ZNF577: variants seen among roughly 807,000 people sequenced by gnomAD.
ZNF577 encodes the protein zinc finger protein 577.
ZNF577 carries 14 observed loss-of-function variants against 13.9 expected under a neutral mutation model. That is an observed-to-expected ratio of 1.00 (90% CI 0.66 to 1.57). The LOEUF is 1.57. Among genes scored for constraint, ZNF577 ranks in the 40% most tolerant of loss-of-function variants. The pLI is 0.00. For missense variants in ZNF577, 555 were observed against 579.2 expected (o/e 0.96, Z 0.43); for synonymous variants, 203 against 202.9 (o/e 1.00, Z 0.00).
intron 3 of ZNF577, among the ~76,000 whole-genome samples, chr19:51,879,626 T>C (rs2084829273): frequency 6.6e-6 from 1 of 152,184 alleles, no homozygotes; most frequent in Non-Finnish European, 1.5e-5. Context: ...TATACACAAG[T>C]ATGTATACAT....
chr19:51,877,753 C>T (rs537676010), intron 4 of ZNF577: 93 of 177,166 alleles, frequency 5.2e-4, no homozygotes, highest in African/African-American at 2.1e-3. Flanking sequence ...AATTCCACTT[C>T]TGGGTATATA....
In ZNF577 at chr19:51,868,910, T is replaced by C. The variant is rs6509582; in HGVS notation, c.*3622A>G. ...TTACTAGATTTAGGGCTGTGCAGGA[T>C]GTGCTTTGTTAAAATGTGTTTGCAG... On this transcript the variant is annotated 3_prime_UTR_variant, in exon 6 of 6. Transcript: ENST00000638348. 0.33 allele frequency among the ~76,000 whole-genome samples: 50,815 copies of C among 152,112 alleles called. 10,004 individuals carry two copies. Among genetic ancestry groups the C allele is most frequent in the African/African-American group, 0.54 (22,529 of 41,472 alleles).
downstream of ZNF577, among the ~76,000 whole-genome samples, chr19:51,864,115 G>A (rs1217635363): frequency 6.6e-6 from 1 of 152,120 alleles, no homozygotes; most frequent in Non-Finnish European, 1.5e-5. Flanking sequence ...AATTAACACT[G>A]ACCATGTCTT....
At chr19:51,829,034 G>A (rs990492868) in intron 9 of ZNF577, among the ~76,000 whole-genome samples, 3 of 152,148 alleles carry the variant, frequency 2.0e-5, no homozygotes, top group Admixed American at 6.5e-5. Context: ...GTTACATGGG[G>A]TCTTGGTAGT....
chr19:51,810,033 C>A (rs2084085985), intron 10 of ZNF577, among the ~76,000 whole-genome samples: 1 of 152,152 alleles, frequency 6.6e-6, no homozygotes, highest in South Asian at 2.1e-4. Context: ...ATTTTTTCCA[C>A]TGGGTGGGGC....
At chr19:51,827,695 C>T (rs1442691680) in intron 9 of ZNF577, among the ~76,000 whole-genome samples, 2 of 152,144 alleles carry the variant, frequency 1.3e-5, no homozygotes, top group Non-Finnish European at 2.9e-5. Context: ...TGAGTTTCTG[C>T]TTAAGTAAAC....
rs1352147575 is a variant in ZNF577 at position 51,871,895 on chromosome 19, A to C, written c.*637T>G. 6.6e-6 allele frequency: 1 copy of C among 152,232 alleles called. No homozygotes were observed. Among genetic ancestry groups the C allele is most frequent in the Admixed American group, 6.5e-5 (1 of 15,274 alleles). The allele number at this position is 152,232 out of a possible 1,614,324, so 9.4% of individuals were successfully genotyped here. A position where few individuals can be genotyped will look rare whatever the true frequency, so the allele number is the denominator to read the frequency against. On this transcript the variant is annotated 3_prime_UTR_variant, in exon 6 of 6. Transcript: ENST00000638348. ...AGCTTGATGTAGCCCCGTGAGATGC[A>C]TTTGGACTTCAGTCCTCCAGAACTG...
intron 9 of ZNF577, among the ~76,000 whole-genome samples, chr19:51,828,773 T>C (rs1467278946): frequency 6.6e-6 from 1 of 152,134 alleles, no homozygotes; most frequent in Non-Finnish European, 1.5e-5. Flanking sequence ...CTTGCTGGTT[T>C]TAGATTTTTT....
chr19:51,808,388 C>T (rs2084074466), intron 10 of ZNF577, among the ~76,000 whole-genome samples: 1 of 152,228 alleles, frequency 6.6e-6, no homozygotes, highest in East Asian at 1.9e-4. Flanking sequence ...TAGTCAAAGC[C>T]TGCTTTGTTT....
chr19:51,885,865 C>G (rs758480379), intron 1 of ZNF577, among the ~76,000 whole-genome samples: 20 of 152,162 alleles, frequency 1.3e-4, no homozygotes, highest in Non-Finnish European at 2.1e-4. Flanking sequence ...ATCAACAATA[C>G]TCATAACTCC....
Position 51,871,138 on chromosome 19 carries a change from C to T in ZNF577, c.*1394G>A, listed in dbSNP as rs2084653459. 6.6e-6 allele frequency: 1 copy of T among 152,118 alleles called. No individual in the cohort carries two copies. Among genetic ancestry groups the T allele is most frequent in the Non-Finnish European group, 1.5e-5 (1 of 68,038 alleles). 9.4% of individuals were successfully genotyped at this position (152,118 alleles called of 1,614,324 possible). A position where few individuals can be genotyped will look rare whatever the true frequency, so the allele number is the denominator to read the frequency against. On this transcript the variant is annotated 3_prime_UTR_variant, in exon 6 of 6. Transcript: ENST00000638348. Reference sequence around the variant, plus strand: ...CCTTTTTTAGAGTCAGAGTCTTATTCTGTCACCCACGCTGTAGTGCAGTGG... The same window carrying T: ...CCTTTTTTAGAGTCAGAGTCTTATTTTGTCACCCACGCTGTAGTGCAGTGG...
chr19:51,848,199 C>A (rs976062447), intron 5 of ZNF577, among the ~76,000 whole-genome samples: 1 of 152,184 alleles, frequency 6.6e-6, no homozygotes, highest in African/African-American at 2.4e-5. Context: ...AGGATTTCGG[C>A]ACTTTCAACT....
Position 51,824,128 on chromosome 19 carries a change from T to C in ZNF577, c.*600-12454A>G, listed in dbSNP as rs2084212415. 10 of 1,613,984 alleles carry C rather than the reference T, an allele frequency of 6.2e-6. No homozygotes were observed. The highest frequency in any genetic ancestry group is 8.5e-6 in the Non-Finnish European group (10 of 1,179,908). On this transcript the variant is annotated intron_variant and NMD_transcript_variant, in intron 9 of 10. Coordinates refer to the ZNF577 transcript ENST00000638827. The surrounding 1 kb of genome is among the most constrained non-coding windows in gnomAD (Gnocchi z 4.7). ...ATTGCTCTGGACCGCTGTATTTGTG[T>C]CCTGCATCCAGCCTGGGCCCAGAAC...
At chr19:51,846,751 A>G (rs1401074593) in intron 5 of ZNF577, among the ~76,000 whole-genome samples, 2 of 151,910 alleles carry the variant, frequency 1.3e-5, no homozygotes. Flanking sequence ...CCCTACTGCC[A>G]TATGAAAACA....
At chr19:51,815,089 C>T (rs1307235704) in intron 9 of ZNF577, among the ~76,000 whole-genome samples, 2 of 152,092 alleles carry the variant, frequency 1.3e-5, no homozygotes, top group Non-Finnish European at 2.9e-5. Context: ...GGATTGCAGG[C>T]GCGAGCCACC....
intron 9 of ZNF577, among the ~76,000 whole-genome samples, chr19:51,834,690 ATT>A (rs72308797): frequency 2.0e-5 from 3 of 150,210 alleles, no homozygotes; most frequent in South Asian, 2.1e-4. Flanking sequence ...TGTGCACACG[ATT>A]TTTTTTTTTA....
At chr19:51,821,229 T>G (rs755019882) in intron 9 of ZNF577, among the ~76,000 whole-genome samples, 2 of 152,218 alleles carry the variant, frequency 1.3e-5, no homozygotes, top group Non-Finnish European at 2.9e-5. Context: ...GAGATATCAC[T>G]GACCAAGAAC....
chr19:51,860,485 C>G (rs907713241), intron 5 of ZNF577: 3 of 152,540 alleles, frequency 2.0e-5, no homozygotes, highest in Non-Finnish European at 2.9e-5. Context: ...TTTCTGATAA[C>G]TGAGTTAGGG....
chr19:51,886,641 GAAAT>G (rs779369228), intron 1 of ZNF577, among the ~76,000 whole-genome samples, 176 bp downstream of exon 1: 5 of 152,128 alleles, frequency 3.3e-5, no homozygotes, highest in Admixed American at 6.5e-5. Flanking sequence ...TTAGGAAAGA[GAAAT>G]AAAAACTTGA....
Sources: allele counts gnomAD v4.1 joint callset (sites outside exome capture counted in the v4.1 genomes callset), GRCh38; gene constraint gnomAD v4.1.1; non-coding constraint Gnocchi (gnomAD v3.1); transcripts MANE v1.5; gene names NCBI Gene and HGNC (gene_info 2026-07-23, HGNC 2026-07-21).